ERC2: variants seen among roughly 807,000 people sequenced by gnomAD.
ERC2 encodes the protein ELKS/RAB6-interacting/CAST family member 2.
ERC2 carries 42 observed loss-of-function variants against 114.8 expected under a neutral mutation model. That is an observed-to-expected ratio of 0.37 (90% CI 0.29 to 0.47). The LOEUF (loss-of-function observed/expected upper bound fraction) is 0.47. ERC2 is among the 20% of genes least tolerant of loss of function. The pLI, the probability that ERC2 is intolerant of heterozygous loss-of-function variation, is 0.99. For missense variants in ERC2, 939 were observed against 1,150.7 expected (o/e 0.82, Z 2.66); for synonymous variants, 454 against 425.5 (o/e 1.07, Z -0.82).
intron 2 of ERC2, among the ~76,000 whole-genome samples, chr3:56,308,247 T>C (rs1309606302): frequency 6.6e-6 from 1 of 152,174 alleles, no homozygotes; most frequent in African/African-American, 2.4e-5. Flanking sequence ...TGAGGTTTCC[T>C]CCAGCCAATT....
chr3:55,971,725 ATGTC>A (rs2069171583), intron 12 of ERC2, among the ~76,000 whole-genome samples: 1 of 152,140 alleles, frequency 6.6e-6, no homozygotes, highest in African/African-American at 2.4e-5. Flanking sequence ...AAATTTTCAA[ATGTC>A]TGTTGAACAA....
chr3:55,888,050 C>T (rs1014374671), intron 14 of ERC2, among the ~76,000 whole-genome samples: 6 of 152,214 alleles, frequency 3.9e-5, no homozygotes, highest in Non-Finnish European at 7.3e-5. Context: ...CTCTGAGCAG[C>T]GCTCAAATTA....
At chr3:55,982,026 G>C (rs924324590) in intron 12 of ERC2, among the ~76,000 whole-genome samples, 1 of 152,168 alleles carries the variant, frequency 6.6e-6, no homozygotes, top group African/African-American at 2.4e-5. Context: ...GGCTTTAGAG[G>C]GGCAGGATCT....
At chr3:56,116,317 G>A (rs1269881859) in intron 6 of ERC2, among the ~76,000 whole-genome samples, 1 of 152,118 alleles carries the variant, frequency 6.6e-6, no homozygotes, top group Non-Finnish European at 1.5e-5. Context: ...GGGTTTGTTG[G>A]CTGCCATGAA....
chr3:55,842,760 G>A (rs1010977786), intron 14 of ERC2, among the ~76,000 whole-genome samples: 1 of 152,044 alleles, frequency 6.6e-6, no homozygotes, highest in Non-Finnish European at 1.5e-5. Context: ...GAAAGATATG[G>A]AAAGGACTGC....
In ERC2 at chr3:55,609,429, T is replaced by C. The variant is rs552662080; in HGVS notation, c.*39+74365A>G. ...CTTTTTGCAGGGCCTGTGCGATCTCTGCCTAACTGTGCTTGGAGTGACCGG... is the reference window on the plus strand; with the variant it reads ...CTTTTTGCAGGGCCTGTGCGATCTCCGCCTAACTGTGCTTGGAGTGACCGG... On this transcript the variant is annotated intron_variant, in intron 17 of 17. Transcript: ENST00000288221. Among the ~76,000 whole-genome samples, 4 of 152,174 alleles carry C rather than the reference T, an allele frequency of 2.6e-5. No individual in the cohort carries two copies. The South Asian group carries it at 8.3e-4, about 32-fold the overall frequency.
chr3:55,772,650 T>A (rs2068309612), intron 14 of ERC2, among the ~76,000 whole-genome samples: 2 of 152,168 alleles, frequency 1.3e-5, no homozygotes. Flanking sequence ...AAAAAAGTAT[T>A]TCAAGTTATC....
At chr3:55,706,966 A>C (rs552340530) in intron 15 of ERC2, among the ~76,000 whole-genome samples, 1 of 152,326 alleles carries the variant, frequency 6.6e-6, no homozygotes, top group East Asian at 1.9e-4. Context: ...GGATTCCTTG[A>C]GTCTCATTTC....
At chr3:55,944,255 A>G (rs1339806854) in intron 13 of ERC2, among the ~76,000 whole-genome samples, 1 of 152,254 alleles carries the variant, frequency 6.6e-6, no homozygotes, top group Non-Finnish European at 1.5e-5. Flanking sequence ...TCACTTTGCC[A>G]AGGACTGCTG....
intron 3 of ERC2, among the ~76,000 whole-genome samples, chr3:56,195,895 A>G (rs1281491127): frequency 6.6e-6 from 1 of 152,088 alleles, no homozygotes; most frequent in East Asian, 1.9e-4. Flanking sequence ...TGCACTTAAC[A>G]TTGAATCCTA....
chr3:56,313,577 C>T (rs908292442), intron 2 of ERC2, among the ~76,000 whole-genome samples: 3 of 152,080 alleles, frequency 2.0e-5, no homozygotes, highest in African/African-American at 7.2e-5. Flanking sequence ...GACATCTCCC[C>T]GAATCAAAGC....
chr3:56,331,611 AG>A (rs2057619545), intron 2 of ERC2, among the ~76,000 whole-genome samples: 2 of 152,132 alleles, frequency 1.3e-5, no homozygotes, highest in East Asian at 3.9e-4. Context: ...TGTATGCACT[AG>A]GACGTTCAAA....
chr3:55,951,598 T>C (rs992211986), intron 12 of ERC2, among the ~76,000 whole-genome samples: 2 of 152,052 alleles, frequency 1.3e-5, no homozygotes, highest in African/African-American at 4.8e-5. Flanking sequence ...CTGTCATAAA[T>C]CTAATCCAAC....
At chr3:56,228,587 T>C (rs2050402999) in intron 3 of ERC2, among the ~76,000 whole-genome samples, 1 of 152,204 alleles carries the variant, frequency 6.6e-6, no homozygotes. Context: ...TCACCTTTTG[T>C]TTTGCCATTC....
chr3:56,126,857 A>AAAGGC lies in ERC2; in HGVS notation c.1473+12647_1473+12651dup, dbSNP rs148784141. Among the ~76,000 whole-genome samples, 85 of 151,544 alleles carry AAAGGC rather than the reference A, an allele frequency of 5.6e-4. No individual in the cohort carries two copies. In the East Asian group the frequency reaches 0.014, roughly 25 times the overall value. On this transcript the variant is annotated intron_variant, in intron 6 of 17. Transcript: ENST00000288221. ...AAAGGAAAGGAAAGGAAAGGAAAAG[A>AAAGGC]AAGGCAAGGCAAGGCAAGGCAAGGC...
At chr3:56,342,586 T>A (rs2058130667) in intron 2 of ERC2, among the ~76,000 whole-genome samples, 1 of 152,188 alleles carries the variant, frequency 6.6e-6, no homozygotes, top group South Asian at 2.1e-4. Context: ...CACCAGAGTG[T>A]ACCAGGATGG....
chr3:56,060,760 C>T (rs2076212117), intron 7 of ERC2, among the ~76,000 whole-genome samples: 1 of 152,166 alleles, frequency 6.6e-6, no homozygotes, highest in South Asian at 2.1e-4. Context: ...TTACAACAGC[C>T]AAATTGAATC....
intron 14 of ERC2, among the ~76,000 whole-genome samples, chr3:55,835,597 G>A (rs1042004663): frequency 4.6e-5 from 7 of 152,236 alleles, no homozygotes; most frequent in African/African-American, 1.7e-4. Context: ...TTGGTGGGAT[G>A]TATCTCAAAA....
intron 17 of ERC2, among the ~76,000 whole-genome samples, chr3:55,609,589 G>A (rs1332983389): frequency 1.3e-5 from 2 of 152,132 alleles, no homozygotes; most frequent in African/African-American, 4.8e-5. Flanking sequence ...GCGAGTTACA[G>A]GGGTTATTCA....
Sources: gnomAD v4.1 joint callset for allele counts (sites outside exome capture counted in the v4.1 genomes callset) on GRCh38, gnomAD v4.1.1 for gene constraint, MANE v1.5 for transcripts, NCBI Gene and HGNC (gene_info 2026-07-23, HGNC 2026-07-21) for gene names.